Variants in SSH2 observed in about 807,000 individuals in gnomAD.
SSH2 encodes protein phosphatase Slingshot homolog 2.
A neutral mutation model predicts 135.2 loss-of-function variants in SSH2; 37 were observed. The ratio of observed to expected loss-of-function variants is 0.27; its 90% confidence interval spans 0.21 to 0.36. The LOEUF (loss-of-function observed/expected upper bound fraction) is 0.36. SSH2 is among the 10% of genes least tolerant of loss of function. The pLI, the probability that SSH2 is intolerant of heterozygous loss-of-function variation, is 1.00. For synonymous variants in SSH2, 628 were observed against 646.2 expected, an observed-to-expected ratio of 0.97 and a Z score of 0.43; for missense variants, 1,408 against 1,765.3, an observed-to-expected ratio of 0.80 and a Z score of 3.63.
At chr17:29,755,884 A>G (rs1051717783) in intron 3 of SSH2, among the ~76,000 whole-genome samples, 11 of 149,860 alleles carry the variant, frequency 7.3e-5, no homozygotes, top group South Asian at 4.1e-4. Context: ...GACGGTCTCG[A>G]TCTCCTGAGC....
intron 1 of SSH2, among the ~76,000 whole-genome samples, chr17:29,919,340 A>G (rs12601963): frequency 0.42 from 63,212 of 152,096 alleles, 15,115 homozygotes; most frequent in East Asian, 0.69. Context: ...TTCCCACTCA[A>G]TAAATGAAGT....
intron 8 of SSH2, among the ~76,000 whole-genome samples, chr17:29,672,866 C>G (rs910248816): frequency 6.6e-6 from 1 of 152,072 alleles, no homozygotes; most frequent in East Asian, 1.9e-4. Context: ...GCCACTACAC[C>G]GGGCTGATTT....
At chr17:29,686,954 C>A (rs1429058103) in intron 5 of SSH2, among the ~76,000 whole-genome samples, 1 of 152,200 alleles carries the variant, frequency 6.6e-6, no homozygotes, top group South Asian at 2.1e-4. Context: ...GGATTACAGG[C>A]GTGAGCCACC....
intron 3 of SSH2, among the ~76,000 whole-genome samples, chr17:29,761,940 G>A (rs2041330079): frequency 6.6e-6 from 1 of 150,730 alleles, no homozygotes; most frequent in African/African-American, 2.4e-5. Flanking sequence ...GAATGCAATG[G>A]TGCGATCTTG....
intron 7 of SSH2, 53 bp from the exon 8 acceptor site, chr17:29,676,938 G>T: frequency 6.7e-7 from 1 of 1,487,376 alleles, no homozygotes; most frequent in Non-Finnish European, 9.4e-7. Flanking sequence ...TAGGTTATTT[G>T]AATTGTGAGT....
intron 3 of SSH2, among the ~76,000 whole-genome samples, chr17:29,730,598 G>A (rs758092588): frequency 6.6e-6 from 1 of 151,772 alleles, no homozygotes; most frequent in Non-Finnish European, 1.5e-5. Context: ...ACCACACTCG[G>A]CTAATTTTTT....
chr17:29,856,047 T>C (rs1208121778), intron 1 of SSH2: 12 of 360,174 alleles, frequency 3.3e-5, no homozygotes, highest in Non-Finnish European at 5.3e-5. Flanking sequence ...GCATACTCCT[T>C]TCCCCATCAA....
intron 2 of SSH2, among the ~76,000 whole-genome samples, chr17:29,820,027 T>C (rs538920958): frequency 6.6e-6 from 1 of 152,326 alleles, no homozygotes; most frequent in East Asian, 1.9e-4. Flanking sequence ...CAAATCTACT[T>C]TTTAAATTCT....
chr17:29,736,834 T>C, intron 3 of SSH2, among the ~76,000 whole-genome samples: 1 of 118,540 alleles, frequency 8.4e-6, no homozygotes, highest in African/African-American at 3.3e-5. Context: ...GCATGGTGGC[T>C]CACGCCTGTA....
At chr17:29,929,479 C>G (rs190173670) in intron 1 of SSH2, 1 of 205,986 alleles carries the variant, frequency 4.9e-6, no homozygotes, top group African/African-American at 2.3e-5. Flanking sequence ...AGGCACACAC[C>G]CTGGCGAGTA....
rs116740540 is a variant in SSH2 at position 29,650,692 on chromosome 17, C to A, written c.1188G>T (p.Ala396=). Residue 396 remains alanine (A), a synonymous_variant, in exon 13 of 16, where the codon GCG becomes GCT. Coordinates refer to ENST00000540801, the MANE Select transcript of SSH2 (RefSeq NM_001282129.2). The part of the protein sequence containing the change: ...VYDEEATDLL[A]YWNDTYKFIS... Reference sequence around the variant, plus strand: ...TGAATTTGTAAGTGTCATTCCAGTACGCCAGGAGATCCGTTGCCTCTTCAT... The same window carrying A: ...TGAATTTGTAAGTGTCATTCCAGTAAGCCAGGAGATCCGTTGCCTCTTCAT... 2 of 1,613,712 alleles carry A rather than the reference C, an allele frequency of 1.2e-6. No individual in the cohort carries two copies. The highest frequency in any genetic ancestry group is 1.7e-6 in the Non-Finnish European group (2 of 1,179,898).
chr17:29,741,508 G>A (rs1436807102), intron 3 of SSH2, among the ~76,000 whole-genome samples: 1 of 152,010 alleles, frequency 6.6e-6, no homozygotes. Flanking sequence ...CCAGTTAAAA[G>A]GATATGAAAG....
chr17:29,812,619 G>C (rs899756281), intron 2 of SSH2, among the ~76,000 whole-genome samples: 1 of 152,144 alleles, frequency 6.6e-6, no homozygotes, highest in African/African-American at 2.4e-5. Flanking sequence ...AGCCGGGCGC[G>C]ATGGCTCATG....
At chr17:29,756,433 C>T (rs1044161551) in intron 3 of SSH2, among the ~76,000 whole-genome samples, 1 of 147,568 alleles carries the variant, frequency 6.8e-6, no homozygotes, top group African/African-American at 2.5e-5. Context: ...ACTACACCTG[C>T]CTGCCTGCCT....
intron 1 of SSH2, among the ~76,000 whole-genome samples, chr17:29,908,149 C>G (rs563688627): frequency 2.0e-5 from 3 of 152,154 alleles, no homozygotes; most frequent in Non-Finnish European, 2.9e-5. Flanking sequence ...AATCCTTTCC[C>G]TAAATTTTTC....
chr17:29,892,262 C>T (rs1165325567), intron 1 of SSH2, among the ~76,000 whole-genome samples: 1 of 151,856 alleles, frequency 6.6e-6, no homozygotes, highest in Non-Finnish European at 1.5e-5. Context: ...TGAAAGTTTC[C>T]AAAGCAGCCC....
chr17:29,696,172 TATACACACACAC>T (rs1381907573), intron 4 of SSH2, among the ~76,000 whole-genome samples: 1 of 116,578 alleles, frequency 8.6e-6, no homozygotes, highest in Non-Finnish European at 1.8e-5. Context: ...TATGTATATA[TATACACACACAC>T]ACACACACAC....
At chr17:29,658,255 G>A (rs1050213896) in intron 11 of SSH2, among the ~76,000 whole-genome samples, 6 of 151,908 alleles carry the variant, frequency 3.9e-5, no homozygotes, top group African/African-American at 1.2e-4. Context: ...GCCCACCTCG[G>A]CCTCCCAAAG....
intron 3 of SSH2, among the ~76,000 whole-genome samples, chr17:29,705,826 T>C (rs2039176220): frequency 6.6e-6 from 1 of 152,250 alleles, no homozygotes; most frequent in Admixed American, 6.5e-5. Context: ...AGCTTACATA[T>C]CACTGCTCCT....
Sources: gnomAD v4.1 joint callset for allele counts (sites outside exome capture counted in the v4.1 genomes callset) on GRCh38, gnomAD v4.1.1 for gene constraint, MANE v1.5 for transcripts, NCBI Gene and HGNC (gene_info 2026-07-23, HGNC 2026-07-21) for gene names.